The following SOX5 variants were observed in gnomAD, a reference collection of about 807,000 sequenced individuals.
The protein encoded by SOX5 is transcription factor SOX-5.
Under a neutral mutation model 92.0 loss-of-function variants are expected in SOX5, and 9 were observed. The observed-to-expected ratio is 0.10, with a 90% CI of 0.06 to 0.17. The LOEUF (loss-of-function observed/expected upper bound fraction) is 0.17, where lower values mean the gene tolerates loss of function less well. Among genes scored for constraint, SOX5 ranks in the 10% least tolerant of loss-of-function variants. The probability of loss-of-function intolerance (pLI) is 1.00; values close to 1 mark genes in which losing one functional copy is unlikely to be tolerated. For missense variants in SOX5, 642 were observed against 944.5 expected (o/e 0.68, Z 4.20); for synonymous variants, 344 against 336.3 (o/e 1.02, Z -0.25).
chr12:24,041,359 T>C (rs1371424826), intron 4 of SOX5, among the ~76,000 whole-genome samples: 1 of 152,156 alleles, frequency 6.6e-6, no homozygotes, highest in Non-Finnish European at 1.5e-5. Context: ...AAGCTTCATA[T>C]TACTTACTAG....
At chr12:23,654,083 T>G (rs1044617631) in intron 7 of SOX5, among the ~76,000 whole-genome samples, 4 of 151,956 alleles carry the variant, frequency 2.6e-5, no homozygotes, top group African/African-American at 7.2e-5. Context: ...TACAAATAAG[T>G]ATTAGTTTTT....
chr12:24,263,421 G>A (rs1398179682), intron 3 of SOX5, among the ~76,000 whole-genome samples: 4 of 150,978 alleles, frequency 2.6e-5, no homozygotes, highest in African/African-American at 9.7e-5. Flanking sequence ...CCAGCTGCTC[G>A]GGAGGCTGAG....
chr12:23,649,636 G>A (rs886490392), intron 7 of SOX5, among the ~76,000 whole-genome samples: 1 of 152,048 alleles, frequency 6.6e-6, no homozygotes, highest in African/African-American at 2.4e-5. Context: ...AAAGTATACT[G>A]AGGCATGTTA....
intron 1 of SOX5, among the ~76,000 whole-genome samples, chr12:24,441,704 TG>T (rs1237570377): frequency 2.0e-5 from 3 of 151,966 alleles, no homozygotes; most frequent in Non-Finnish European, 4.4e-5. Flanking sequence ...TGATAAACAA[TG>T]GGGGGAAAAA....
At chr12:24,552,112 C>T (rs541346708) in intron 1 of SOX5, among the ~76,000 whole-genome samples, 1 of 152,052 alleles carries the variant, frequency 6.6e-6, no homozygotes, top group South Asian at 2.1e-4. Context: ...TTCCTTATGT[C>T]AGGTCCCCTC....
chr12:24,271,454 T>C (rs1943722778), intron 3 of SOX5, among the ~76,000 whole-genome samples: 1 of 152,208 alleles, frequency 6.6e-6, no homozygotes, highest in Non-Finnish European at 1.5e-5. Flanking sequence ...AAATTTATTC[T>C]ATTACTCTAG....
intron 4 of SOX5, among the ~76,000 whole-genome samples, chr12:24,049,351 T>C (rs953154819): frequency 7.9e-5 from 12 of 152,364 alleles, no homozygotes; most frequent in African/African-American, 2.9e-4. Context: ...TTACCCACGC[T>C]AAACCACTTG....
intron 1 of SOX5, among the ~76,000 whole-genome samples, chr12:24,400,800 G>T (rs1961345235): frequency 6.6e-6 from 1 of 152,076 alleles, no homozygotes; most frequent in South Asian, 2.1e-4. Context: ...GTTCAAATAA[G>T]GTATGTGACA....
chr12:24,490,865 A>G (rs530221268), intron 1 of SOX5, among the ~76,000 whole-genome samples: 6 of 152,302 alleles, frequency 3.9e-5, no homozygotes, highest in African/African-American at 1.2e-4. Context: ...CTTAAACATT[A>G]TAACACCAGG....
chr12:24,055,751 A>C (rs1479333075), intron 4 of SOX5, among the ~76,000 whole-genome samples: 2 of 152,254 alleles, frequency 1.3e-5, no homozygotes, highest in African/African-American at 4.8e-5. Flanking sequence ...TGAAAAGAAA[A>C]AAAAGTACAA....
chr12:23,763,524 GAT>G (rs1394083289), intron 3 of SOX5, among the ~76,000 whole-genome samples: 1 of 152,068 alleles, frequency 6.6e-6, no homozygotes, highest in Non-Finnish European at 1.5e-5. Flanking sequence ...TCTTCAGTTT[GAT>G]CTTATCAATA....
chr12:23,849,257 C>A (rs983057180), intron 2 of SOX5, among the ~76,000 whole-genome samples: 1 of 152,154 alleles, frequency 6.6e-6, no homozygotes, highest in African/African-American at 2.4e-5. Context: ...GCCTTATAAA[C>A]TGAAATTAAG....
intron 4 of SOX5, among the ~76,000 whole-genome samples, chr12:23,977,045 T>C (rs1353073985): frequency 6.6e-6 from 1 of 152,146 alleles, no homozygotes; most frequent in African/African-American, 2.4e-5. Context: ...TTTAACCTCA[T>C]TATCCTTATG....
chr12:24,534,301 C>T (rs1404208579), intron 1 of SOX5, among the ~76,000 whole-genome samples: 2 of 151,398 alleles, frequency 1.3e-5, no homozygotes, highest in African/African-American at 4.9e-5. Context: ...AGCAAGATCT[C>T]AGCAATCCCT....
intron 4 of SOX5, among the ~76,000 whole-genome samples, chr12:23,963,602 A>T (rs1947202531): frequency 6.6e-6 from 1 of 152,092 alleles, no homozygotes; most frequent in Non-Finnish European, 1.5e-5. Flanking sequence ...TTATCAACAG[A>T]ATTACAACAA....
At chr12:23,605,927 T>C (rs1205769003) in intron 8 of SOX5, among the ~76,000 whole-genome samples, 1 of 152,064 alleles carries the variant, frequency 6.6e-6, no homozygotes, top group African/African-American at 2.4e-5. Flanking sequence ...AATTGTCTCA[T>C]AAGGGTTTTA....
chr12:24,274,417 C>G (rs1358779193), intron 3 of SOX5, among the ~76,000 whole-genome samples: 1 of 152,156 alleles, frequency 6.6e-6, no homozygotes, highest in Admixed American at 6.5e-5. Flanking sequence ...GCTTAATGAA[C>G]TTTAAACACT....
At chr12:23,595,995 T>C (rs1448060013) in intron 9 of SOX5, among the ~76,000 whole-genome samples, 3 of 152,316 alleles carry the variant, frequency 2.0e-5, no homozygotes, top group East Asian at 3.9e-4. Context: ...CTCCTTGATA[T>C]TGCGAGACTC....
intron 6 of SOX5, among the ~76,000 whole-genome samples, chr12:23,718,085 C>T (rs2092611894): frequency 7.4e-6 from 1 of 134,308 alleles, no homozygotes; most frequent in South Asian, 2.4e-4. Flanking sequence ...TTTTTAAAAA[C>T]CTTTCTGCAA....
Sources: allele counts gnomAD v4.1 joint callset (sites outside exome capture counted in the v4.1 genomes callset), GRCh38; gene constraint gnomAD v4.1.1; transcripts MANE v1.5; gene names NCBI Gene and HGNC (gene_info 2026-07-23, HGNC 2026-07-21).